Variants in PDZRN3 observed in about 807,000 individuals in gnomAD.
The protein encoded by PDZRN3 is E3 ubiquitin-protein ligase PDZRN3.
Under a neutral mutation model 85.7 loss-of-function variants are expected in PDZRN3, and 38 were observed. The observed-to-expected ratio is 0.44, with a 90% CI of 0.34 to 0.58. The LOEUF (loss-of-function observed/expected upper bound fraction) is 0.58. Among genes scored for constraint, PDZRN3 ranks in the 20% least tolerant of loss-of-function variants. PDZRN3 has a pLI of 0.01. For synonymous variants in PDZRN3, 759 were observed against 638.0 expected (o/e 1.19, Z -2.86); for missense variants, 1,629 against 1,506.4 (o/e 1.08, Z -1.35).
intron 3 of PDZRN3, among the ~76,000 whole-genome samples, chr3:73,571,237 T>A (rs188822245): frequency 1.5e-3 from 232 of 152,308 alleles, no homozygotes; most frequent in Non-Finnish European, 2.5e-3. Context: ...TTTCCTATTT[T>A]TAAAAGGTCT....
chr3:73,502,413 T>C, intron 3 of PDZRN3, among the ~76,000 whole-genome samples: 1 of 152,246 alleles, frequency 6.6e-6, no homozygotes. Context: ...TCCTAAAAGA[T>C]GGGAACTGTT....
At chr3:73,511,714 G>A (rs115214723) in intron 3 of PDZRN3, among the ~76,000 whole-genome samples, 1,915 of 152,290 alleles carry the variant, frequency 0.013, 50 homozygotes, top group African/African-American at 0.043. Context: ...CTGGCAAACG[G>A]CTAACAAATC....
chr3:73,467,306 G>C (rs756674035), intron 3 of PDZRN3, among the ~76,000 whole-genome samples: 2 of 152,206 alleles, frequency 1.3e-5, no homozygotes, highest in Non-Finnish European at 2.9e-5. Context: ...ATCTACCCAG[G>C]TGAAGGAAGC....
At chr3:73,451,801 G>C in intron 3 of PDZRN3, among the ~76,000 whole-genome samples, 1 of 152,010 alleles carries the variant, frequency 6.6e-6, no homozygotes, top group African/African-American at 2.4e-5. Flanking sequence ...CATATGATAG[G>C]TCATCAGCTT....
intron 5 of PDZRN3, among the ~76,000 whole-genome samples, chr3:73,399,432 T>C (rs980129994): frequency 5.3e-5 from 8 of 152,116 alleles, no homozygotes; most frequent in Non-Finnish European, 1.0e-4. Flanking sequence ...GGATTCTAGG[T>C]AGATAGTCAA....
intron 3 of PDZRN3, among the ~76,000 whole-genome samples, chr3:73,600,337 ACTCTCT>A (rs1553706426): frequency 2.7e-4 from 27 of 100,070 alleles, no homozygotes; most frequent in East Asian, 2.1e-3. Context: ...ACACACACAC[ACTCTCT>A]CTCTCTCTCT....
chr3:73,384,576 G>A lies in PDZRN3; in HGVS notation c.1990C>T (p.Leu664=), dbSNP rs750277575. The change falls in exon 10 of 10, where the codon CTG becomes TTG. Residue 664 remains leucine, a synonymous_variant. Transcript: ENST00000263666. ...TCCAGGGGGCCGCTAGGGTAGTACA[G>A]GCCGTAAGGGGTGGCGCTCTTCACC... ...CQVKSATPYG[L]YYPSGPLDAG... 24 of 1,613,602 alleles carry A rather than the reference G, an allele frequency of 1.5e-5. No homozygotes were observed. The Admixed American group carries it at 1.7e-4, about 11-fold the overall frequency.
chr3:73,540,308 T>A (rs1704889822), intron 3 of PDZRN3, among the ~76,000 whole-genome samples: 1 of 152,158 alleles, frequency 6.6e-6, no homozygotes, highest in Admixed American at 6.5e-5. Flanking sequence ...AACATTTACA[T>A]ATTCTGTTCA....
At chr3:73,485,733 T>C (rs1703649770) in intron 3 of PDZRN3, among the ~76,000 whole-genome samples, 1 of 152,204 alleles carries the variant, frequency 6.6e-6, no homozygotes, top group South Asian at 2.1e-4. Flanking sequence ...GAAATGCAAG[T>C]GGCATGCAAA....
chr3:73,398,429 G>A (rs765273033), intron 5 of PDZRN3, among the ~76,000 whole-genome samples: 5 of 152,314 alleles, frequency 3.3e-5, no homozygotes, highest in Non-Finnish European at 7.4e-5. Context: ...AATGGGCACC[G>A]AGGTACCTAG....
At chr3:73,478,422 C>T (rs1225383694) in intron 3 of PDZRN3, among the ~76,000 whole-genome samples, 1 of 152,072 alleles carries the variant, frequency 6.6e-6, no homozygotes, top group Non-Finnish European at 1.5e-5. Flanking sequence ...AATCTAATGC[C>T]TGATGATCTG....
chr3:73,499,325 C>A (rs1054778743), intron 3 of PDZRN3, among the ~76,000 whole-genome samples: 1 of 152,160 alleles, frequency 6.6e-6, no homozygotes, highest in Non-Finnish European at 1.5e-5. Context: ...AAATTATAAA[C>A]CTACGAGGCC....
intron 3 of PDZRN3, among the ~76,000 whole-genome samples, chr3:73,471,628 T>A (rs1469588470): frequency 2.6e-5 from 4 of 152,138 alleles, no homozygotes. Flanking sequence ...CTGGGCCCAG[T>A]CAGCCTTCCC....
At chr3:73,520,573 T>C (rs1704341897) in intron 3 of PDZRN3, among the ~76,000 whole-genome samples, 1 of 152,136 alleles carries the variant, frequency 6.6e-6, no homozygotes, top group Admixed American at 6.5e-5. Flanking sequence ...AAGTTGTCTT[T>C]ACAGCCCAAC....
At chr3:73,416,051 T>C (rs952440467) in intron 3 of PDZRN3, among the ~76,000 whole-genome samples, 80 of 151,538 alleles carry the variant, frequency 5.3e-4, no homozygotes, top group African/African-American at 1.9e-3. Flanking sequence ...ATCCACAAGA[T>C]TAAGGGTTTT....
At chr3:73,513,885 C>T (rs36101177) in intron 3 of PDZRN3, among the ~76,000 whole-genome samples, 1 of 152,152 alleles carries the variant, frequency 6.6e-6, no homozygotes, top group African/African-American at 2.4e-5. Flanking sequence ...TCAGAGATGA[C>T]AAAATAGAAG....
At chr3:73,482,592 A>G (rs770083607) in intron 3 of PDZRN3, among the ~76,000 whole-genome samples, 10 of 152,190 alleles carry the variant, frequency 6.6e-5, no homozygotes, top group Non-Finnish European at 1.5e-4. Flanking sequence ...TTTTTAAAAC[A>G]TCATGTACCC....
rs184855202 is a variant in PDZRN3, at chr3:73,599,910, T to C, written c.918+2444A>G. Among the ~76,000 whole-genome samples, 615 of 152,376 alleles carry C rather than the reference T, an allele frequency of 4.0e-3. 1 individual carries two copies. Among genetic ancestry groups the C allele is most frequent in the African/African-American group, 0.014 (596 of 41,588 alleles). On this transcript the variant is annotated intron_variant, in intron 3 of 9. Coordinates refer to ENST00000263666, the MANE Select transcript of PDZRN3 (RefSeq NM_015009.3). Reference sequence around the variant, plus strand: ...AGAACACTGGCATATTGATATATTTTATTATAAATTATCTTCCTTTGATTT... The same window carrying C: ...AGAACACTGGCATATTGATATATTTCATTATAAATTATCTTCCTTTGATTT...
At chr3:73,395,041 G>C (rs924559714) in intron 5 of PDZRN3, among the ~76,000 whole-genome samples, 2 of 152,208 alleles carry the variant, frequency 1.3e-5, no homozygotes, top group Middle Eastern at 3.2e-3. Context: ...GAATGAGCTT[G>C]AGAGTCCAAG....
Sources: gnomAD v4.1 joint callset for allele counts (sites outside exome capture counted in the v4.1 genomes callset) on GRCh38, gnomAD v4.1.1 for gene constraint, MANE v1.5 for transcripts, NCBI Gene and HGNC (gene_info 2026-07-23, HGNC 2026-07-21) for gene names.